Variants in PPM1L observed in about 807,000 individuals in gnomAD.
The protein encoded by PPM1L is protein phosphatase 1L.
PPM1L carries 13 observed loss-of-function variants against 31.4 expected under a neutral mutation model. The ratio of observed to expected loss-of-function variants is 0.41; its 90% confidence interval spans 0.27 to 0.66. The LOEUF is 0.66. Among genes scored for constraint, PPM1L ranks in the 30% least tolerant of loss-of-function variants. PPM1L has a pLI of 0.29. For synonymous variants in PPM1L, 184 were observed against 175.4 expected, an observed-to-expected ratio of 1.05 and a Z score of -0.39; for missense variants, 326 against 453.7, an observed-to-expected ratio of 0.72 and a Z score of 2.56.
At chr3:160,780,149 A>G (rs1711694096) in intron 1 of PPM1L, among the ~76,000 whole-genome samples, 1 of 152,112 alleles carries the variant, frequency 6.6e-6, no homozygotes, top group Admixed American at 6.5e-5. Context: ...CAGCTTCCTG[A>G]GTAGCTGGGA....
intron 1 of PPM1L, among the ~76,000 whole-genome samples, chr3:160,945,248 C>T (rs1022815190): frequency 2.6e-5 from 4 of 151,648 alleles, no homozygotes; most frequent in Admixed American, 6.6e-5. Flanking sequence ...TTAGGCTTTG[C>T]ATACCATCCA....
rs1553819647 is a variant in PPM1L, at chr3:160,903,194, G to GTGTGTGTGT, written c.400-58541_400-58540insGTGTGTGTT. Among the ~76,000 whole-genome samples, 418 of 95,532 alleles carry GTGTGTGTGT rather than the reference G, an allele frequency of 4.4e-3. 6 individuals carry two copies. The highest frequency in any genetic ancestry group is 0.012 in the Middle Eastern group (2 of 162). The allele number at this position is 95,532 out of a possible 152,430, so 62.7% of individuals were successfully genotyped here. On this transcript the variant is annotated intron_variant, in intron 1 of 3. Coordinates refer to ENST00000498165, the MANE Select transcript of PPM1L (RefSeq NM_139245.4). The stretch of plus-strand genomic sequence containing the variant: ...GTGTGTGTGTGTGTGTGTGTGTGTG[G>GTGTGTGTGT]TATGTGTGTATGTTTGTGTGTGTGT...
intron 1 of PPM1L, among the ~76,000 whole-genome samples, chr3:160,940,818 T>C (rs1314663118): frequency 1.3e-5 from 2 of 152,120 alleles, no homozygotes; most frequent in Non-Finnish European, 2.9e-5. Flanking sequence ...CCCTGCCTAG[T>C]GGAGCTGTGA....
At chr3:161,051,732 T>G (rs1392850733) in intron 2 of PPM1L, among the ~76,000 whole-genome samples, 3 of 152,182 alleles carry the variant, frequency 2.0e-5, no homozygotes, top group East Asian at 1.9e-4. Context: ...CATGATAGCA[T>G]AGTCTTTATT....
At chr3:160,981,481 C>T (rs1716795592) in intron 2 of PPM1L, among the ~76,000 whole-genome samples, 1 of 152,150 alleles carries the variant, frequency 6.6e-6, no homozygotes, top group Non-Finnish European at 1.5e-5. Context: ...AGACCAAAGC[C>T]ACAGTCTTTT....
At position 161,058,118 on chromosome 3, in the gene PPM1L, C is replaced by CTTTTTTTTTTTTTTTTTTT. The variant is rs1186931971; in HGVS notation, c.575-7279_575-7261dup. Among the ~76,000 whole-genome samples the CTTTTTTTTTTTTTTTTTTT allele has an allele frequency of 1.4e-3, 76 of 54,926 alleles. 15 individuals are homozygous for CTTTTTTTTTTTTTTTTTTT. The highest frequency in any genetic ancestry group is 2.3e-3 in the South Asian group (3 of 1,326). 36.0% of individuals were successfully genotyped at this position (54,926 alleles called of 152,430 possible). A position where few individuals can be genotyped will look rare whatever the true frequency, so the allele number is the denominator to read the frequency against. On this transcript the variant is annotated intron_variant, in intron 2 of 3. Coordinates refer to ENST00000498165, the MANE Select transcript of PPM1L (RefSeq NM_139245.4). ...TTAGTAGGGTCCATCATTTTCTTTC[C>CTTTTTTTTTTTTTTTTTTT]TTTTTTTTTTTTTTTTTTTTTTTTG...
rs988603270 is a variant in PPM1L, at chr3:160,950,907, A to G, written c.400-10829A>G. Among the ~76,000 whole-genome samples, 6 of 152,238 alleles carry G rather than the reference A, an allele frequency of 3.9e-5. No homozygotes were observed. In the East Asian group the frequency reaches 1.2e-3, roughly 29 times the overall value. ...AATACATTTGGATAGCACTAATGGA[A>G]GTTAATATTTCTCCAAGCTCTATAG... On this transcript the variant is annotated intron_variant, in intron 1 of 3. Transcript: ENST00000498165.
At chr3:160,894,906 G>A (rs1406461383) in intron 1 of PPM1L, among the ~76,000 whole-genome samples, 3 of 151,906 alleles carry the variant, frequency 2.0e-5, no homozygotes, top group Non-Finnish European at 2.9e-5. Flanking sequence ...ACTTCACTTT[G>A]TATAAACTTA....
At chr3:160,840,830 A>C (rs993861891) in intron 1 of PPM1L, among the ~76,000 whole-genome samples, 1 of 152,022 alleles carries the variant, frequency 6.6e-6, no homozygotes, top group Admixed American at 6.6e-5. Context: ...AGAGAGAGAA[A>C]GAGAAAGAAC....
intron 1 of PPM1L, among the ~76,000 whole-genome samples, chr3:160,782,704 T>G (rs549437699): frequency 9.2e-5 from 14 of 152,336 alleles, no homozygotes; most frequent in South Asian, 4.1e-4. Flanking sequence ...TTTTTATTAT[T>G]CCAGAAGTGA....
intron 2 of PPM1L, among the ~76,000 whole-genome samples, chr3:160,964,919 C>A (rs1716087386): frequency 6.6e-6 from 1 of 151,886 alleles, no homozygotes; most frequent in Admixed American, 6.6e-5. Context: ...TACTATTTAG[C>A]AGAAAAATAT....
intron 2 of PPM1L, among the ~76,000 whole-genome samples, chr3:161,055,101 T>A (rs1399710320): frequency 6.6e-6 from 1 of 152,072 alleles, no homozygotes; most frequent in Non-Finnish European, 1.5e-5. Flanking sequence ...CTCAGTGAAG[T>A]CAGAGCAGGG....
chr3:160,913,292 C>G (rs1483207784), intron 1 of PPM1L, among the ~76,000 whole-genome samples: 1 of 152,146 alleles, frequency 6.6e-6, no homozygotes, highest in African/African-American at 2.4e-5. Flanking sequence ...AGCAGGAAAT[C>G]TAGCCCACCT....
intron 1 of PPM1L, among the ~76,000 whole-genome samples, chr3:160,844,667 G>A (rs1714016719): frequency 6.6e-6 from 1 of 151,920 alleles, no homozygotes; most frequent in Admixed American, 6.6e-5. Flanking sequence ...TGCTTTCAAT[G>A]TCATGTCTGA....
At chr3:160,815,243 A>G (rs1712960315) in intron 1 of PPM1L, among the ~76,000 whole-genome samples, 1 of 152,194 alleles carries the variant, frequency 6.6e-6, no homozygotes, top group South Asian at 2.1e-4. Flanking sequence ...ATTTCTGCAC[A>G]GTTAAATTTT....
At chr3:160,973,412 G>A (rs1454882934) in intron 2 of PPM1L, among the ~76,000 whole-genome samples, 2 of 152,200 alleles carry the variant, frequency 1.3e-5, no homozygotes, top group Admixed American at 1.3e-4. Context: ...AATGCCATCG[G>A]TATCTCTTCC....
At chr3:160,892,429 C>G (rs1279489019) in intron 1 of PPM1L, among the ~76,000 whole-genome samples, 1 of 152,068 alleles carries the variant, frequency 6.6e-6, no homozygotes, top group Non-Finnish European at 1.5e-5. Context: ...CCCCCATGAC[C>G]CACACATCTC....
In PPM1L at chr3:161,073,564, C is replaced by T. The variant is rs1342243444; in HGVS notation, c.*4407C>T. The T allele has an allele frequency of 7.0e-6, 1 of 141,944 alleles. No homozygotes were observed. The highest frequency in any genetic ancestry group is 1.5e-5 in the Non-Finnish European group (1 of 67,306). The allele number at this position is 141,944 out of a possible 1,614,324, so 8.8% of individuals were successfully genotyped here. ...TCCTACTTAAAGCTCTAAACATCAT[C>T]CCCCCCTTTTTTTTTTTAACGGAAT... is the stretch of plus-strand genomic sequence containing the variant. On this transcript the variant is annotated 3_prime_UTR_variant, in exon 4 of 4. Coordinates refer to ENST00000498165, the MANE Select transcript of PPM1L (RefSeq NM_139245.4).
intron 1 of PPM1L, among the ~76,000 whole-genome samples, chr3:160,890,022 A>G (rs1713078485): frequency 1.3e-5 from 2 of 152,206 alleles, no homozygotes; most frequent in African/African-American, 4.8e-5. Context: ...ATTTATGACA[A>G]ACCCACAGCC....
Sources: gnomAD v4.1 joint callset for allele counts (sites outside exome capture counted in the v4.1 genomes callset) on GRCh38, gnomAD v4.1.1 for gene constraint, MANE v1.5 for transcripts, NCBI Gene and HGNC (gene_info 2026-07-23, HGNC 2026-07-21) for gene names.